The following ITSN1 variants were observed in gnomAD, a reference collection of about 807,000 sequenced individuals.
ITSN1 encodes intersectin 1, also known as intersectin-1.
In ITSN1, 58 loss-of-function variants were observed where a neutral mutation model predicts 239.8. The observed-to-expected ratio is 0.24, with a 90% CI of 0.20 to 0.30. The LOEUF (loss-of-function observed/expected upper bound fraction) is 0.30, where lower values mean the gene tolerates loss of function less well. Among genes scored for constraint, ITSN1 ranks in the 10% least tolerant of loss-of-function variants. ITSN1 has a pLI of 1.00. For synonymous variants in ITSN1, 780 were observed against 770.8 expected (o/e 1.01, Z -0.20); for missense variants, 1,558 against 2,103.3 (o/e 0.74, Z 5.07).
chr21:33,803,354 A>G (rs1181128236), intron 20 of ITSN1, among the ~76,000 whole-genome samples: 3 of 152,174 alleles, frequency 2.0e-5, no homozygotes, highest in Non-Finnish European at 4.4e-5. Context: ...TCTTTTGGGC[A>G]CATGCACAAA....
intron 1 of ITSN1, among the ~76,000 whole-genome samples, chr21:33,664,702 G>T (rs185864618): frequency 6.6e-6 from 1 of 152,174 alleles, no homozygotes; most frequent in South Asian, 2.1e-4. Flanking sequence ...TTAAAACAGC[G>T]CAGTGCCTCA....
intron 1 of ITSN1, among the ~76,000 whole-genome samples, chr21:33,696,917 T>C (rs2091819448): frequency 1.3e-5 from 2 of 152,160 alleles, no homozygotes; most frequent in Non-Finnish European, 2.9e-5. Flanking sequence ...GAGATAAAGG[T>C]GACAGTAGTA....
At chr21:33,699,797 C>T (rs1324507276) in intron 1 of ITSN1, among the ~76,000 whole-genome samples, 1 of 152,210 alleles carries the variant, frequency 6.6e-6, no homozygotes, top group Non-Finnish European at 1.5e-5. Context: ...GTCTGACTGC[C>T]GCCCAGGCTG....
At chr21:33,696,035 T>C (rs374461958) in intron 1 of ITSN1, among the ~76,000 whole-genome samples, 55 of 152,344 alleles carry the variant, frequency 3.6e-4, no homozygotes, top group African/African-American at 1.3e-3. Context: ...GGTTTTTAGT[T>C]CTAAAACTTC....
chr21:33,752,313 A>G (rs780588942), intron 7 of ITSN1, among the ~76,000 whole-genome samples: 1 of 152,114 alleles, frequency 6.6e-6, no homozygotes, highest in Non-Finnish European at 1.5e-5. Flanking sequence ...AGTTGGCCTT[A>G]TTTTTAATTC....
Position 33,674,046 on chromosome 21 carries a change from G to A in ITSN1, c.-33+31333G>A, listed in dbSNP as rs551063485. 6.6e-5 allele frequency among the ~76,000 whole-genome samples: 10 copies of A among 152,280 alleles called. No homozygotes were observed. The South Asian group carries it at 2.1e-3, about 32-fold the overall frequency. On this transcript the variant is annotated intron_variant, in intron 1 of 39. Transcript: ENST00000381318. ...CAGGAATCTGGTTGAATGTTTGATT[G>A]TATAACTCTGCCTTTGACATATGTA...
rs141010695 is a variant in ITSN1 at position 33,735,176 on chromosome 21, A to C, written c.318A>C (p.Pro106=). 16 of 1,613,536 alleles carry C rather than the reference A, an allele frequency of 9.9e-6. No homozygotes were observed. Among genetic ancestry groups the C allele is most frequent in the Admixed American group, 1.7e-5 (1 of 60,004 alleles). The change falls in exon 5 of 40, where the codon CCA becomes CCC. Residue 106 remains proline, a synonymous_variant. Coordinates refer to ENST00000381318, the MANE Select transcript of ITSN1 (RefSeq NM_003024.3). ...SALPPVMKQQ[P]VAISSAPAFG... is the part of the protein sequence containing the mutation. ...TTCCCCCTGTCATGAAACAGCAACC[A>C]GTTGCTATTTCTAGCGCACCAGCAT...
chr21:33,804,399 T>C (rs925088997), intron 20 of ITSN1, among the ~76,000 whole-genome samples: 8 of 152,248 alleles, frequency 5.3e-5, no homozygotes, highest in Admixed American at 5.2e-4. Flanking sequence ...AGTCTGCCAT[T>C]CATATGTTTA....
At chr21:33,737,835 A>C (rs557952372) in intron 5 of ITSN1, among the ~76,000 whole-genome samples, 1 of 152,120 alleles carries the variant, frequency 6.6e-6, no homozygotes, top group South Asian at 2.1e-4. Context: ...CAGCCTCCCA[A>C]AGTGTTGGCA....
intron 1 of ITSN1, among the ~76,000 whole-genome samples, chr21:33,710,325 G>A (rs931723980): frequency 1.3e-5 from 2 of 151,602 alleles, no homozygotes; most frequent in East Asian, 1.9e-4. Flanking sequence ...TGAACCGCCC[G>A]TCCCAAAGTG....
chr21:33,872,961 C>T (rs1013104848), intron 33 of ITSN1, among the ~76,000 whole-genome samples: 8 of 152,184 alleles, frequency 5.3e-5, no homozygotes, highest in Non-Finnish European at 1.0e-4. Context: ...TGAATTTACT[C>T]AAGCCAGCTG....
intron 19 of ITSN1, among the ~76,000 whole-genome samples, chr21:33,800,525 AT>A (rs2148072682): frequency 6.6e-6 from 1 of 152,248 alleles, no homozygotes; most frequent in South Asian, 2.1e-4. Context: ...ACTTTTAATT[AT>A]GTAAAAAGAG....
In ITSN1 at chr21:33,872,720, C is replaced by T. The variant is rs185436418; in HGVS notation, c.4174-2634C>T. On this transcript the variant is annotated intron_variant, in intron 33 of 39. Coordinates refer to ENST00000381318, the MANE Select transcript of ITSN1 (RefSeq NM_003024.3). ...CTAATTTTTGTGTTTTTAGTGGAGACGGGGTTTGACCATGTTGGCCAGGCT... is the reference window on the plus strand; with the variant it reads ...CTAATTTTTGTGTTTTTAGTGGAGATGGGGTTTGACCATGTTGGCCAGGCT... 1.3e-3 allele frequency among the ~76,000 whole-genome samples: 203 copies of T among 152,038 alleles called. 3 individuals are homozygous for T. In the South Asian group the frequency reaches 0.026, roughly 20 times the overall value.
intron 1 of ITSN1, among the ~76,000 whole-genome samples, chr21:33,691,442 A>G (rs1251306809): frequency 6.6e-6 from 1 of 152,228 alleles, no homozygotes; most frequent in Admixed American, 6.5e-5. Flanking sequence ...TAAAATAGTT[A>G]GGAAGACTTT....
At chr21:33,829,506 G>C (rs558639037) in intron 26 of ITSN1, 118 bp from the exon 27 acceptor site, 9 of 1,065,588 alleles carry the variant, frequency 8.4e-6, no homozygotes, top group Non-Finnish European at 1.2e-5. Flanking sequence ...TAGAAATCCA[G>C]CTCAATACAT....
At chr21:33,684,531 GT>G (rs895455353) in intron 1 of ITSN1, among the ~76,000 whole-genome samples, 9 of 152,116 alleles carry the variant, frequency 5.9e-5, no homozygotes, top group Admixed American at 5.9e-4. Context: ...TTAAAAATTT[GT>G]TAAGCTTTAC....
At chr21:33,725,796 C>T (rs1274018833) in intron 4 of ITSN1, among the ~76,000 whole-genome samples, 1 of 152,150 alleles carries the variant, frequency 6.6e-6, no homozygotes, top group African/African-American at 2.4e-5. Context: ...CTGTAACTCT[C>T]TTTTCCCAAA....
chr21:33,861,875 G>A (rs1448872279), intron 31 of ITSN1, among the ~76,000 whole-genome samples: 1 of 151,810 alleles, frequency 6.6e-6, no homozygotes, highest in African/African-American at 2.4e-5. Context: ...GAACCTGGGA[G>A]GTGGAGTTTG....
At chr21:33,679,067 C>G (rs1251366934) in intron 1 of ITSN1, among the ~76,000 whole-genome samples, 2 of 152,162 alleles carry the variant, frequency 1.3e-5, no homozygotes, top group Non-Finnish European at 2.9e-5. Context: ...TGTTGAATTA[C>G]CTACCATAGA....
Sources: allele counts gnomAD v4.1 joint callset (sites outside exome capture counted in the v4.1 genomes callset), GRCh38; gene constraint gnomAD v4.1.1; transcripts MANE v1.5; gene names NCBI Gene and HGNC (gene_info 2026-07-23, HGNC 2026-07-21).